Variants in SEMA3E observed in about 807,000 individuals in gnomAD.
SEMA3E encodes semaphorin-3E.
Under a neutral mutation model 93.6 loss-of-function variants are expected in SEMA3E, and 49 were observed. That is an observed-to-expected ratio of 0.52 (90% confidence interval 0.42 to 0.66). The LOEUF is 0.66. Ranked by LOEUF, SEMA3E falls within the 30% of genes least tolerant of loss-of-function variation. The probability of loss-of-function intolerance (pLI) is 0.00; values close to 1 mark genes in which losing one functional copy is unlikely to be tolerated. For missense variants in SEMA3E, 906 were observed against 964.8 expected (o/e 0.94, Z 0.81); for synonymous variants, 363 against 330.7 (o/e 1.10, Z -1.06).
At chr7:83,583,840 A>T (rs952776880) in intron 1 of SEMA3E, among the ~76,000 whole-genome samples, 1 of 152,136 alleles carries the variant, frequency 6.6e-6, no homozygotes, top group South Asian at 2.1e-4. Context: ...TGCGTGGTTG[A>T]GTTGTGATGC....
chr7:83,604,974 T>G (rs1198183802), intron 1 of SEMA3E, among the ~76,000 whole-genome samples: 3 of 152,184 alleles, frequency 2.0e-5, no homozygotes, highest in Non-Finnish European at 4.4e-5. Context: ...TCATTCTTTT[T>G]GGCTGCATAG....
intron 4 of SEMA3E, among the ~76,000 whole-genome samples, chr7:83,464,191 A>G (rs1337779911): frequency 6.6e-6 from 1 of 152,000 alleles, no homozygotes; most frequent in Non-Finnish European, 1.5e-5. Context: ...AGGTCTTTTA[A>G]AAACACACCT....
chr7:83,419,117 TAG>T (rs68110107), intron 4 of SEMA3E, among the ~76,000 whole-genome samples: 80,645 of 151,448 alleles, frequency 0.53, 23,286 homozygotes, highest in East Asian at 0.84. Flanking sequence ...ACCTAATATT[TAG>T]CTCTCACTTA....
intron 1 of SEMA3E, among the ~76,000 whole-genome samples, chr7:83,531,838 T>C (rs1043035027): frequency 6.6e-6 from 1 of 152,220 alleles, no homozygotes; most frequent in Admixed American, 6.5e-5. Flanking sequence ...GTAAAAATTA[T>C]GGAGTGAAGA....
At chr7:83,502,693 CT>C (rs1790618738) in intron 1 of SEMA3E, among the ~76,000 whole-genome samples, 1 of 152,136 alleles carries the variant, frequency 6.6e-6, no homozygotes, top group South Asian at 2.1e-4. Flanking sequence ...ATGAATGCTA[CT>C]AGGTTTTGTG....
At chr7:83,398,439 A>C (rs2115608869) in intron 11 of SEMA3E, among the ~76,000 whole-genome samples, 1 of 152,286 alleles carries the variant, frequency 6.6e-6, no homozygotes, top group Non-Finnish European at 1.5e-5. Flanking sequence ...AACTTTTAAA[A>C]ATTTTGTTGG....
chr7:83,410,119 A>G (rs1255293816), intron 5 of SEMA3E, among the ~76,000 whole-genome samples: 3 of 151,850 alleles, frequency 2.0e-5, no homozygotes, highest in African/African-American at 7.2e-5. Flanking sequence ...CTCTGTTCAC[A>G]AAATCCTCTA....
At chr7:83,379,156 A>G (rs927012040) in intron 16 of SEMA3E, among the ~76,000 whole-genome samples, 5 of 151,776 alleles carry the variant, frequency 3.3e-5, no homozygotes, top group African/African-American at 9.7e-5. Context: ...CGAAAGTCAA[A>G]TACTGCACTC....
chr7:83,524,990 T>C (rs1290363327), intron 1 of SEMA3E, among the ~76,000 whole-genome samples: 1 of 151,974 alleles, frequency 6.6e-6, no homozygotes, highest in East Asian at 1.9e-4. Context: ...GATTGGCTAC[T>C]CTTTCTTGGC....
intron 1 of SEMA3E, among the ~76,000 whole-genome samples, chr7:83,595,433 T>C (rs533813267): frequency 6.6e-6 from 1 of 152,194 alleles, no homozygotes; most frequent in East Asian, 1.9e-4. Context: ...TTGACTATGA[T>C]ACACATATCA....
intron 1 of SEMA3E, among the ~76,000 whole-genome samples, chr7:83,534,801 G>A (rs1259006130): frequency 2.0e-5 from 3 of 152,126 alleles, no homozygotes; most frequent in South Asian, 2.1e-4. Flanking sequence ...TTTATTATTT[G>A]TCTTTACAGA....
chr7:83,508,625 T>C (rs6976150), intron 1 of SEMA3E, among the ~76,000 whole-genome samples: 76,825 of 152,022 alleles, frequency 0.51, 19,904 homozygotes, highest in South Asian at 0.66. Flanking sequence ...ATAAAATCAA[T>C]TATATTTGCA....
At chr7:83,636,318 C>T (rs997779504) in intron 1 of SEMA3E, among the ~76,000 whole-genome samples, 1 of 152,120 alleles carries the variant, frequency 6.6e-6, no homozygotes, top group African/African-American at 2.4e-5. Context: ...ATAGTCTCAT[C>T]ATATCTCCTG....
chr7:83,513,523 C>A (rs1391999278), intron 1 of SEMA3E, among the ~76,000 whole-genome samples: 1 of 152,192 alleles, frequency 6.6e-6, no homozygotes, highest in Non-Finnish European at 1.5e-5. Context: ...ATATTAATTA[C>A]ATCCTTTATA....
At chr7:83,597,030 G>A (rs1792890024) in intron 1 of SEMA3E, among the ~76,000 whole-genome samples, 1 of 152,064 alleles carries the variant, frequency 6.6e-6, no homozygotes. Flanking sequence ...TGGATTGACA[G>A]TTAGACCAAC....
chr7:83,548,585 C>A (rs970378920), intron 1 of SEMA3E, among the ~76,000 whole-genome samples: 1 of 151,850 alleles, frequency 6.6e-6, no homozygotes, highest in Non-Finnish European at 1.5e-5. Context: ...GTAAGTGGAT[C>A]CTTTGGTCTT....
At chr7:83,399,944 G>C in intron 11 of SEMA3E, 84 bp downstream of exon 11, 1 of 1,095,636 alleles carries the variant, frequency 9.1e-7, no homozygotes, top group Non-Finnish European at 1.4e-6. Context: ...CAGATTTGTC[G>C]ATAGGTGCTT....
At chr7:83,418,530 A>G (rs1158941346) in intron 4 of SEMA3E, 47 bp from the exon 5 acceptor site, 2 of 1,244,260 alleles carry the variant, frequency 1.6e-6, no homozygotes, top group African/African-American at 1.5e-5. Flanking sequence ...CTCCTCTAAT[A>G]ATCATTTAAT....
At chr7:83,551,909 A>T (rs1201606595) in intron 1 of SEMA3E, among the ~76,000 whole-genome samples, 1 of 152,118 alleles carries the variant, frequency 6.6e-6, no homozygotes, top group East Asian at 1.9e-4. Context: ...TATAGAACAT[A>T]AAAAACCTCA....
Sources: gnomAD v4.1 joint callset for allele counts (sites outside exome capture counted in the v4.1 genomes callset) on GRCh38, gnomAD v4.1.1 for gene constraint, MANE v1.5 for transcripts, NCBI Gene and HGNC (gene_info 2026-07-23, HGNC 2026-07-21) for gene names.